Variants in ATXN1 observed in about 807,000 individuals in gnomAD.
The protein encoded by ATXN1 is ataxin 1, also known as ataxin-1.
Under a neutral mutation model 56.4 loss-of-function variants are expected in ATXN1, and 8 were observed. The ratio of observed to expected loss-of-function variants is 0.14; its 90% CI spans 0.08 to 0.26. The LOEUF is 0.26. ATXN1 is among the 10% of genes least tolerant of loss of function. The probability of loss-of-function intolerance (pLI) is 1.00; values close to 1 mark genes in which losing one functional copy is unlikely to be tolerated. For missense variants in ATXN1, 987 were observed against 1,106.5 expected (o/e 0.89, Z 1.53); for synonymous variants, 514 against 494.6 (o/e 1.04, Z -0.52).
chr6:16,753,471 C>T (rs570535658), intron 1 of ATXN1, 124 bp from the exon 2 acceptor site: 8 of 404,516 alleles, frequency 2.0e-5, no homozygotes, highest in African/African-American at 4.1e-5. Context: ...ACATCACATT[C>T]GGCATTCTGT....
chr6:16,401,255 C>T (rs754724925), intron 6 of ATXN1, among the ~76,000 whole-genome samples: 1 of 152,184 alleles, frequency 6.6e-6, no homozygotes, highest in Non-Finnish European at 1.5e-5. Flanking sequence ...CGTCTCTTTA[C>T]ACAACATGGG....
intron 6 of ATXN1, among the ~76,000 whole-genome samples, chr6:16,399,013 C>T (rs896874109): frequency 1.3e-4 from 20 of 152,204 alleles, no homozygotes; most frequent in Admixed American, 4.6e-4. Context: ...AACATGCCTC[C>T]GTCTCACGAC....
chr6:16,351,008 T>C (rs1174641086), intron 6 of ATXN1, among the ~76,000 whole-genome samples: 2 of 152,120 alleles, frequency 1.3e-5, no homozygotes, highest in East Asian at 3.8e-4. Context: ...TGCTTGAGCC[T>C]AGCCTGGGAG....
intron 4 of ATXN1, among the ~76,000 whole-genome samples, chr6:16,550,084 TAC>T (rs1407491568): frequency 5.6e-5 from 8 of 141,952 alleles, no homozygotes; most frequent in Non-Finnish European, 1.2e-4. Flanking sequence ...AACACATGTA[TAC>T]CTATGCAACA....
At chr6:16,404,363 T>A (rs1758640904) in intron 6 of ATXN1, among the ~76,000 whole-genome samples, 1 of 152,170 alleles carries the variant, frequency 6.6e-6, no homozygotes, top group South Asian at 2.1e-4. Context: ...GTTTTCACAT[T>A]TTCCACTAAA....
At chr6:16,665,946 G>T (rs891174437) in intron 2 of ATXN1, among the ~76,000 whole-genome samples, 2 of 152,168 alleles carry the variant, frequency 1.3e-5, no homozygotes, top group Non-Finnish European at 1.5e-5. Context: ...TCAAATCAAG[G>T]TATTTGGGAT....
intron 6 of ATXN1, among the ~76,000 whole-genome samples, chr6:16,435,195 G>A (rs1004640882): frequency 6.6e-6 from 1 of 152,124 alleles, no homozygotes; most frequent in East Asian, 1.9e-4. Flanking sequence ...GACTTTGAAC[G>A]TGCTGAGTTC....
At chr6:16,559,979 C>T (rs2113737631) in intron 4 of ATXN1, among the ~76,000 whole-genome samples, 1 of 152,240 alleles carries the variant, frequency 6.6e-6, no homozygotes, top group Middle Eastern at 3.4e-3. Flanking sequence ...GCCTCCCCAC[C>T]CCACCATCAC....
At chr6:16,696,785 G>A (rs1011491923) in intron 2 of ATXN1, among the ~76,000 whole-genome samples, 7 of 152,128 alleles carry the variant, frequency 4.6e-5, no homozygotes, top group African/African-American at 1.4e-4. Context: ...CAGCTTAGGC[G>A]ACCTGAGAGA....
Position 16,625,899 on chromosome 6 carries a change from G to C in ATXN1, c.-489+31877C>G, listed in dbSNP as rs75727213. Among the ~76,000 whole-genome samples, 98 of 152,270 alleles carry C rather than the reference G, an allele frequency of 6.4e-4. 1 individual carries two copies. Among genetic ancestry groups the C allele is most frequent in the East Asian group, 5.6e-3 (29 of 5,186 alleles). On this transcript the variant is annotated intron_variant, in intron 3 of 7. Transcript: ENST00000436367. ...GATACATAAATGTTCTGATCCCCTTGAGTGGCAATTGACCGGCTGACACTG... is the reference window on the plus strand; with the variant it reads ...GATACATAAATGTTCTGATCCCCTTCAGTGGCAATTGACCGGCTGACACTG...
intron 2 of ATXN1, among the ~76,000 whole-genome samples, chr6:16,714,301 G>A (rs1581388262): frequency 6.6e-6 from 1 of 150,752 alleles, no homozygotes; most frequent in Non-Finnish European, 1.5e-5. Context: ...GAGGTAGGCC[G>A]CCCATCACTA....
chr6:16,306,268 G>T lies in ATXN1; in HGVS notation c.*61C>A. On this transcript the variant is annotated 3_prime_UTR_variant, in exon 8 of 8. Transcript: ENST00000436367. This position sits in a 1 kb window ranked among gnomAD's most constrained non-coding sequence, Gnocchi z 5.2. ...AAATACTGTGTTATTTTAGCCTACAGTACAGTAATCTGGATACAAATGATA... is the reference window on the plus strand; with the variant it reads ...AAATACTGTGTTATTTTAGCCTACATTACAGTAATCTGGATACAAATGATA... 6.6e-7 allele frequency: 1 copy of T among 1,515,922 alleles called. No individual in the cohort carries two copies. Among genetic ancestry groups the T allele is most frequent in the Non-Finnish European group, 8.8e-7 (1 of 1,133,388 alleles). The allele number at this position is 1,515,922 out of a possible 1,614,324, so 93.9% of individuals were successfully genotyped here.
At chr6:16,437,149 T>C (rs2113591019) in intron 6 of ATXN1, among the ~76,000 whole-genome samples, 1 of 152,242 alleles carries the variant, frequency 6.6e-6, no homozygotes, top group South Asian at 2.1e-4. Flanking sequence ...GGAGAAGGTG[T>C]CAGTTTTGAG....
At chr6:16,368,414 A>G (rs1202977014) in intron 6 of ATXN1, among the ~76,000 whole-genome samples, 1 of 139,496 alleles carries the variant, frequency 7.2e-6, no homozygotes, top group African/African-American at 2.6e-5. Context: ...AATAGACCTT[A>G]GAGGTCATAA....
chr6:16,309,649 C>T (rs958563502), intron 7 of ATXN1, among the ~76,000 whole-genome samples: 3 of 152,066 alleles, frequency 2.0e-5, no homozygotes, highest in Admixed American at 2.0e-4. Context: ...GAAAAATAAA[C>T]AAAAAGAAAT....
At chr6:16,417,240 G>A (rs1348159256) in intron 6 of ATXN1, among the ~76,000 whole-genome samples, 2 of 152,076 alleles carry the variant, frequency 1.3e-5, no homozygotes. Context: ...TCACTATGTT[G>A]CCCAGGCTGG....
rs562501188 is a variant in ATXN1 at position 16,399,407 on chromosome 6, C to T, written c.-160-70937G>A. On this transcript the variant is annotated intron_variant, in intron 6 of 7. Transcript: ENST00000436367. ...AAACTGTCAGCAAATAGGGCCAAGGCGCTCACTGGTCTATGCCGAGGACAC... is the reference window on the plus strand; with the variant it reads ...AAACTGTCAGCAAATAGGGCCAAGGTGCTCACTGGTCTATGCCGAGGACAC... 1.7e-4 allele frequency among the ~76,000 whole-genome samples: 26 copies of T among 152,298 alleles called. 1 individual carries two copies. In the South Asian group the frequency reaches 2.1e-3, roughly 12 times the overall value.
chr6:16,396,112 A>C (rs1295931119), intron 6 of ATXN1, among the ~76,000 whole-genome samples: 1 of 151,690 alleles, frequency 6.6e-6, no homozygotes, highest in Non-Finnish European at 1.5e-5. Flanking sequence ...TTATCATCGC[A>C]GATGATGGCT....
rs1223467554 is a variant in ATXN1, at chr6:16,429,037, T to C, written c.-161+56935A>G. On this transcript the variant is annotated intron_variant, in intron 6 of 7. Coordinates refer to ENST00000436367, the MANE Select transcript of ATXN1 (RefSeq NM_001128164.2). ...GGGACATAGGCTGCCAGTGGAGCAG[T>C]GGGGGCGGCGAGGGTAGGGGGGTGG... is the stretch of plus-strand genomic sequence containing the variant. Among the ~76,000 whole-genome samples, 6 of 126,662 alleles carry C rather than the reference T, an allele frequency of 4.7e-5. No homozygotes were observed. In the Admixed American group the frequency reaches 4.9e-4, roughly 10 times the overall value. 83.1% of individuals were successfully genotyped at this position (126,662 alleles called of 152,430 possible). A position where few individuals can be genotyped will look rare whatever the true frequency, so the allele number is the denominator to read the frequency against.
Sources: gnomAD v4.1 joint callset for allele counts (sites outside exome capture counted in the v4.1 genomes callset) on GRCh38, gnomAD v4.1.1 for gene constraint, Gnocchi (gnomAD v3.1) non-coding constraint, MANE v1.5 for transcripts, NCBI Gene and HGNC (gene_info 2026-07-23, HGNC 2026-07-21) for gene names.